SLC34A1: variants seen among roughly 807,000 people sequenced by gnomAD.
SLC34A1 encodes the protein solute carrier family 34 member 1.
A neutral mutation model predicts 51.4 loss-of-function variants in SLC34A1; 57 were observed. The ratio of observed to expected loss-of-function variants is 1.11; its 90% CI spans 0.90 to 1.38. The LOEUF (loss-of-function observed/expected upper bound fraction) is 1.38. SLC34A1 is among the 40% of genes most tolerant of loss of function. The probability of loss-of-function intolerance (pLI) is 0.00; values close to 1 mark genes in which losing one functional copy is unlikely to be tolerated. For missense variants in SLC34A1, 796 were observed against 835.6 expected (o/e 0.95, Z 0.58); for synonymous variants, 368 against 358.0 (o/e 1.03, Z -0.32).
Position 177,398,258 on chromosome 5 carries a change from C to T in SLC34A1, c.1892C>T (p.Pro631Leu). The T allele has an allele frequency of 6.3e-7, 1 of 1,599,518 alleles. No homozygotes were observed. Among genetic ancestry groups the T allele is most frequent in the Non-Finnish European group, 8.5e-7 (1 of 1,179,926 alleles). ...PATPSPRLAL[P>L]AHHNATRL ...ACACCCTCCCCCCGTCTTGCACTGC[C>T]TGCTCACCACAATGCCACCCGCCTC... The change falls in exon 13 of 13, where the codon CCT (proline) becomes CTT (leucine). Residue 631 changes from proline (P) to leucine (L), a missense_variant. Transcript: ENST00000324417. This position sits in a 1 kb window ranked among gnomAD's most constrained non-coding sequence, Gnocchi z 4.7.
At chr5:177,389,364 C>T (rs1397391581) in intron 8 of SLC34A1, among the ~76,000 whole-genome samples, 1 of 151,916 alleles carries the variant, frequency 6.6e-6, no homozygotes, top group African/African-American at 2.4e-5. Context: ...CCTTCCCCTT[C>T]CCCTTCCCCT....
intron 8 of SLC34A1, chr5:177,390,096 G>A: frequency 9.0e-7 from 1 of 1,105,144 alleles, no homozygotes; most frequent in Non-Finnish European, 1.1e-6. Flanking sequence ...CCCAAAGACG[G>A]GCCACAGAGT....
chr5:177,394,777 T>C (rs1333486053), intron 10 of SLC34A1, among the ~76,000 whole-genome samples: 1 of 138,482 alleles, frequency 7.2e-6, no homozygotes, highest in Non-Finnish European at 1.5e-5. Flanking sequence ...CACTGCAACC[T>C]CCACCTCCAG....
chr5:177,388,765 G>C lies in SLC34A1; in HGVS notation c.936+393G>C, dbSNP rs35610898. The stretch of plus-strand genomic sequence containing the variant: ...TCAGCAGTTCCTCTAGGTGTGCTCA[G>C]TGCTCAAGTTTGAGAACCGCTGATC... On this transcript the variant is annotated intron_variant, in intron 8 of 12. Transcript: ENST00000324417. The surrounding 1 kb of genome is among the most constrained non-coding windows in gnomAD (Gnocchi z 4.3). Among the ~76,000 whole-genome samples the C allele has an allele frequency of 0.25, 38,238 of 152,050 alleles. 5,934 individuals are homozygous for C. Among genetic ancestry groups the C allele is most frequent in the Middle Eastern group, 0.35 (103 of 294 alleles).
chr5:177,392,490 A>T (rs1205743021), intron 8 of SLC34A1, among the ~76,000 whole-genome samples: 1 of 149,700 alleles, frequency 6.7e-6, no homozygotes, highest in Non-Finnish European at 1.5e-5. Context: ...TAAATAAATA[A>T]CTTCTTAACC....
Position 177,396,869 on chromosome 5 carries a change from T to C in SLC34A1, c.1291+20T>C, listed in dbSNP as rs1319570677. On this transcript the variant is annotated intron_variant, in intron 11 of 12. Transcript: ENST00000324417. The surrounding 1 kb of genome is among the most constrained non-coding windows in gnomAD (Gnocchi z 4.0). ...TCATCGGTGAGTGCCCATGTAGAGG[T>C]GGAGTGGGGTGGGCCAGGGCTGGCA... 1 of 1,613,910 alleles carries C rather than the reference T, an allele frequency of 6.2e-7. No individual in the cohort carries two copies. The highest frequency in any genetic ancestry group is 1.1e-5 in the South Asian group (1 of 91,082).
intron 8 of SLC34A1, 62 bp from the exon 9 acceptor site, chr5:177,393,632 T>A: frequency 6.5e-7 from 1 of 1,537,992 alleles, no homozygotes. Context: ...CTAACTCCCA[T>A]CTCAGCCCCA....
At chr5:177,390,957 C>A (rs890839073) in intron 8 of SLC34A1, among the ~76,000 whole-genome samples, 5 of 152,190 alleles carry the variant, frequency 3.3e-5, no homozygotes, top group African/African-American at 1.2e-4. Context: ...GAAACTGAGG[C>A]CCAGAGAGGC....
intron 8 of SLC34A1, 49 bp from the exon 9 acceptor site, chr5:177,393,645 C>T (rs1762874803): frequency 4.8e-5 from 76 of 1,588,896 alleles, no homozygotes; most frequent in Non-Finnish European, 6.0e-5. Flanking sequence ...CAGCCCCAAC[C>T]TCAGGCTGTG....
chr5:177,390,175 C>T (rs1295418079), intron 8 of SLC34A1: 8 of 1,002,758 alleles, frequency 8.0e-6, no homozygotes, highest in African/African-American at 3.5e-5. Context: ...TGAACCAGCC[C>T]GAAACAGTCT....
chr5:177,396,461 G>T lies in SLC34A1; in HGVS notation c.1175-272G>T, dbSNP rs187728028. ...TCTCCCAGTGCCCCCGCGGAGGTCC[G>T]CTCTCCCAGTGCCCCCGCGGAGGTC... is the stretch of plus-strand genomic sequence containing the variant. On this transcript the variant is annotated intron_variant, in intron 10 of 12. Coordinates refer to ENST00000324417, the MANE Select transcript of SLC34A1 (RefSeq NM_003052.5). This position sits in a 1 kb window ranked among gnomAD's most constrained non-coding sequence, Gnocchi z 4.0. Among the ~76,000 whole-genome samples, 561 of 134,942 alleles carry T rather than the reference G, an allele frequency of 4.2e-3. 1 individual carries two copies. The highest frequency in any genetic ancestry group is 0.023 in the East Asian group (98 of 4,172). The allele number at this position is 134,942 out of a possible 152,430, so 88.5% of individuals were successfully genotyped here.
At chr5:177,397,634 T>C (rs1763012352) in intron 12 of SLC34A1, 149 bp from the exon 13 acceptor site, 1 of 980,238 alleles carries the variant, frequency 1.0e-6, no homozygotes. Context: ...CACCTCGGGG[T>C]GATCTCGGGG....
chr5:177,385,688 C>A lies in SLC34A1; in HGVS notation c.-47-7C>A. 7.9e-7 allele frequency: 1 copy of A among 1,272,982 alleles called. No individual in the cohort carries two copies. The highest frequency in any genetic ancestry group is 1.2e-5 in the South Asian group (1 of 80,866). The allele number at this position is 1,272,982 out of a possible 1,614,324, so 78.9% of individuals were successfully genotyped here. ...TGAGTGTCCCGGACACAGCTATTGT[C>A]ATTCAGCGTTGCTGAGACCCACTGA... On this transcript the variant is annotated splice_polypyrimidine_tract_variant and splice_region_variant and intron_variant, in intron 1 of 12. Transcript: ENST00000324417.
chr5:177,387,714 G>T, intron 5 of SLC34A1, 48 bp from the exon 6 acceptor site: 2 of 1,494,504 alleles, frequency 1.3e-6, no homozygotes. Flanking sequence ...TGGTGGTGCA[G>T]GAGCTGGGTG....
intron 8 of SLC34A1, chr5:177,389,701 C>T (rs1203231748): frequency 1.3e-6 from 2 of 1,537,142 alleles, no homozygotes; most frequent in African/African-American, 2.7e-5. Flanking sequence ...CCATGGAAGA[C>T]AGCTCTGTTC....
In SLC34A1 at chr5:177,396,831, G is replaced by C. The variant is rs1231951228; in HGVS notation, c.1273G>C (p.Ala425Pro). The C allele has an allele frequency of 6.2e-6, 10 of 1,614,092 alleles. No homozygotes were observed. The highest frequency in any genetic ancestry group is 1.3e-5 in the African/African-American group (1 of 74,954). ...VVQSSSVFTS[A>P]ITPLIGLGVI... The stretch of plus-strand genomic sequence containing the variant: ...CCAGAGCAGTTCTGTGTTCACCTCG[G>C]CCATCACCCCACTCATCGGTGAGTG... The change falls in exon 11 of 13, where the codon GCC (alanine) becomes CCC (proline). Residue 425 changes from alanine to proline, a missense_variant. Physicochemically the swap from Ala to Pro is conservative, Grantham distance 27. Coordinates refer to ENST00000324417, the MANE Select transcript of SLC34A1 (RefSeq NM_003052.5). This position sits in a 1 kb window ranked among gnomAD's most constrained non-coding sequence, Gnocchi z 4.0.
chr5:177,389,528 G>A, intron 8 of SLC34A1: 1 of 1,392,804 alleles, frequency 7.2e-7, no homozygotes, highest in South Asian at 1.3e-5. Context: ...ACCCCTGCGG[G>A]CAGCTTTTAC....
rs1278186291 is a variant in SLC34A1, at chr5:177,397,640, C to T, written c.1417-143C>T. The T allele has an allele frequency of 9.4e-6, 10 of 1,059,956 alleles. No homozygotes were observed. The Middle Eastern group carries it at 6.1e-4, about 65-fold the overall frequency. 65.7% of individuals were successfully genotyped at this position (1,059,956 alleles called of 1,614,324 possible). A position where few individuals can be genotyped will look rare whatever the true frequency, so the allele number is the denominator to read the frequency against. ...CAGCATAGCCACCTCGGGGTGATCT[C>T]GGGGCAGGGGGCACATCACCCCTAA... On this transcript the variant is annotated intron_variant, in intron 12 of 12. Coordinates refer to ENST00000324417, the MANE Select transcript of SLC34A1 (RefSeq NM_003052.5).
chr5:177,385,837 GC>G lies in SLC34A1; in HGVS notation c.99del (p.Ser34AlafsTer73), dbSNP rs775037480. ...VMRGTAFAYV[P>X]SPQVLHRIPG... ...TGCGAGGGACGGCCTTTGCCTACGT[GC>G]CCAGCCCTCAGGGTAAGTGCTGCTC... On this transcript the variant is annotated frameshift_variant, in exon 2 of 13. Transcript: ENST00000324417. LOFTEE classifies it high-confidence loss of function. 2 of 1,613,494 alleles carry G rather than the reference GC, an allele frequency of 1.2e-6. No individual in the cohort carries two copies. The highest frequency in any genetic ancestry group is 1.7e-6 in the Non-Finnish European group (2 of 1,179,896).
Sources: gnomAD v4.1 joint callset for allele counts (sites outside exome capture counted in the v4.1 genomes callset) on GRCh38, gnomAD v4.1.1 for gene constraint, Gnocchi (gnomAD v3.1) non-coding constraint, MANE v1.5 for transcripts, NCBI Gene and HGNC (gene_info 2026-07-23, HGNC 2026-07-21) for gene names.